Variants in HEATR5A observed in about 807,000 individuals in gnomAD.
The protein encoded by HEATR5A is HEAT repeat-containing protein 5A.
In HEATR5A, 178 loss-of-function variants were observed where a neutral mutation model predicts 218.8. The ratio of observed to expected loss-of-function variants is 0.81; its 90% CI spans 0.72 to 0.92. The LOEUF (loss-of-function observed/expected upper bound fraction) is 0.92, where lower values mean the gene tolerates loss of function less well. Ranked by LOEUF, HEATR5A falls within the 40% of genes least tolerant of loss-of-function variation. The pLI, the probability that HEATR5A is intolerant of heterozygous loss-of-function variation, is 0.00. For synonymous variants in HEATR5A, 864 were observed against 871.6 expected, an observed-to-expected ratio of 0.99 and a Z score of 0.15; for missense variants, 2,420 against 2,418.9, an observed-to-expected ratio of 1.00 and a Z score of -0.01.
chr14:31,337,764 C>G, intron 21 of HEATR5A, 150 bp from the exon 22 acceptor site: 1 of 585,626 alleles, frequency 1.7e-6, no homozygotes, highest in Non-Finnish European at 2.9e-6. Context: ...TTCTTGAAAC[C>G]ATTCTAGAAT....
At chr14:31,313,453 T>C (rs1899820473) in intron 27 of HEATR5A, among the ~76,000 whole-genome samples, 1 of 152,262 alleles carries the variant, frequency 6.6e-6, no homozygotes, top group South Asian at 2.1e-4. Flanking sequence ...ACAATCATAA[T>C]ATTATATCAC....
chr14:31,356,338 G>C (rs935605254), intron 16 of HEATR5A, among the ~76,000 whole-genome samples: 2 of 152,144 alleles, frequency 1.3e-5, no homozygotes, highest in Admixed American at 6.5e-5. Flanking sequence ...CCAGTATCAA[G>C]CGAACCTCCC....
chr14:31,330,393 T>A lies in HEATR5A; in HGVS notation c.3368-4051A>T, dbSNP rs112016666. Among the ~76,000 whole-genome samples, 1,478 of 152,306 alleles carry A rather than the reference T, an allele frequency of 9.7e-3. 24 individuals are homozygous for A. The highest frequency in any genetic ancestry group is 0.034 in the African/African-American group (1,405 of 41,582). On this transcript the variant is annotated intron_variant, in intron 22 of 35. Coordinates refer to ENST00000543095, the MANE Select transcript of HEATR5A (RefSeq NM_015473.4). ...GCACAGAGCACGGGGACCCTGGGTC[T>A]GACCCATAAAACCATTTTTCCCTCC... is the stretch of plus-strand genomic sequence containing the variant.
At chr14:31,371,976 G>A in intron 12 of HEATR5A, 67 bp from the exon 13 acceptor site, 1 of 683,226 alleles carries the variant, frequency 1.5e-6, no homozygotes, top group South Asian at 2.0e-5. Context: ...ATTTGATTAT[G>A]GTACAACATT....
intron 26 of HEATR5A, among the ~76,000 whole-genome samples, chr14:31,316,237 G>A (rs1374806673): frequency 6.6e-6 from 1 of 152,004 alleles, no homozygotes; most frequent in Non-Finnish European, 1.5e-5. Flanking sequence ...AGCTAGGATT[G>A]AGCCACGTAT....
intron 18 of HEATR5A, among the ~76,000 whole-genome samples, chr14:31,349,438 CT>C (rs1901137914): frequency 6.6e-6 from 1 of 151,976 alleles, no homozygotes; most frequent in African/African-American, 2.4e-5. Context: ...AGCCTACAGC[CT>C]TTTCTTTTTC....
chr14:31,377,214 A>G (rs183686124), intron 11 of HEATR5A, among the ~76,000 whole-genome samples: 2 of 152,216 alleles, frequency 1.3e-5, no homozygotes, highest in African/African-American at 4.8e-5. Flanking sequence ...CTAAGGCAGA[A>G]AATGTAGTGT....
Position 31,296,059 on chromosome 14 carries a change from A to C in HEATR5A, c.5469T>G (p.Asp1823Glu). 9 of 1,612,768 alleles carry C rather than the reference A, an allele frequency of 5.6e-6. No homozygotes were observed. Among genetic ancestry groups the C allele is most frequent in the Non-Finnish European group, 7.6e-6 (9 of 1,178,926 alleles). Residue 1823 changes from aspartate (D) to glutamate (E), a missense_variant, in exon 34 of 36, where the codon GAT (aspartate) becomes GAG (glutamate). Coordinates refer to ENST00000543095, the MANE Select transcript of HEATR5A (RefSeq NM_015473.4). ...TTILDCWDPV[D>E]ETHQELDEVS... The stretch of plus-strand genomic sequence containing the variant: ...CTTCATCAAGTTCTTGGTGTGTTTC[A>C]TCAACTAAAGAGAAATGCTCTATTA...
intron 12 of HEATR5A, among the ~76,000 whole-genome samples, chr14:31,372,939 C>T (rs1274058010): frequency 2.0e-5 from 3 of 148,656 alleles, no homozygotes; most frequent in Non-Finnish European, 4.5e-5. Context: ...GACCCCACCT[C>T]CCACACCCCT....
intron 30 of HEATR5A, 81 bp downstream of exon 30, chr14:31,307,812 C>T: frequency 6.7e-7 from 1 of 1,481,774 alleles, no homozygotes; most frequent in South Asian, 1.3e-5. Context: ...TGTTTACTTT[C>T]TGTTAACTAT....
At chr14:31,403,171 A>G (rs2030939385) in intron 1 of HEATR5A, 122 bp from the exon 2 acceptor site, 1 of 496,890 alleles carries the variant, frequency 2.0e-6, no homozygotes, top group Non-Finnish European at 3.5e-6. Context: ...TCTAGGGTGA[A>G]TCTGGGAAAA....
chr14:31,377,932 C>T (rs142446296), intron 11 of HEATR5A, among the ~76,000 whole-genome samples: 250 of 152,156 alleles, frequency 1.6e-3, no homozygotes, highest in South Asian at 9.4e-3. Context: ...ATGCATATGC[C>T]GTAAAATATG....
chr14:31,331,215 C>T (rs527954438), intron 22 of HEATR5A, among the ~76,000 whole-genome samples: 3 of 152,226 alleles, frequency 2.0e-5, no homozygotes, highest in East Asian at 1.9e-4. Flanking sequence ...GCTGGGACTA[C>T]AGGCATGAGC....
At chr14:31,370,509 CAGA>C (rs1901999681) in intron 13 of HEATR5A, among the ~76,000 whole-genome samples, 1 of 152,084 alleles carries the variant, frequency 6.6e-6, no homozygotes, top group Non-Finnish European at 1.5e-5. Flanking sequence ...GGTAGAAATA[CAGA>C]AGAACACTGA....
intron 34 of HEATR5A, among the ~76,000 whole-genome samples, chr14:31,294,770 A>T (rs767142275): frequency 1.1e-4 from 17 of 152,168 alleles, no homozygotes; most frequent in Non-Finnish European, 7.4e-5. Flanking sequence ...ACCCAAAACA[A>T]AACACATACA....
chr14:31,380,222 C>T (rs1271280769), intron 11 of HEATR5A, among the ~76,000 whole-genome samples: 4 of 152,106 alleles, frequency 2.6e-5, no homozygotes, highest in African/African-American at 7.2e-5. Context: ...ATTAGTAACT[C>T]GGCTTATCCT....
intron 22 of HEATR5A, among the ~76,000 whole-genome samples, chr14:31,328,166 C>A (rs1900333727): frequency 6.6e-6 from 1 of 151,952 alleles, no homozygotes; most frequent in South Asian, 2.1e-4. Flanking sequence ...GTTGGCCAGG[C>A]TGGTCTCGAA....
At chr14:31,317,648 A>T (rs1185922945) in intron 26 of HEATR5A, among the ~76,000 whole-genome samples, 2 of 152,190 alleles carry the variant, frequency 1.3e-5, no homozygotes, top group Admixed American at 1.3e-4. Context: ...GCAACTGTTT[A>T]AAATTGTATA....
chr14:31,402,238 T>G (rs1306784141), intron 2 of HEATR5A, among the ~76,000 whole-genome samples: 1 of 152,238 alleles, frequency 6.6e-6, no homozygotes. Context: ...CATATAGTAC[T>G]GTGATTATGT....
Sources: allele counts gnomAD v4.1 joint callset (sites outside exome capture counted in the v4.1 genomes callset), GRCh38; gene constraint gnomAD v4.1.1; transcripts MANE v1.5; gene names NCBI Gene and HGNC (gene_info 2026-07-23, HGNC 2026-07-21).